UBAC2: variants seen among roughly 807,000 people sequenced by gnomAD.
UBAC2 encodes UBA domain containing 2, also known as ubiquitin-associated domain-containing protein 2.
Under a neutral mutation model 44.0 loss-of-function variants are expected in UBAC2, and 26 were observed. The observed-to-expected ratio is 0.59, with a 90% confidence interval of 0.43 to 0.82. The LOEUF is 0.82. Among genes scored for constraint, UBAC2 ranks in the 40% least tolerant of loss-of-function variants. The pLI, the probability that UBAC2 is intolerant of heterozygous loss-of-function variation, is 0.00. For synonymous variants in UBAC2, 155 were observed against 154.3 expected (o/e 1.00, Z -0.04); for missense variants, 329 against 419.4 (o/e 0.78, Z 1.88).
chr13:99,235,186 A>AT (rs1184714247), intron 1 of UBAC2, among the ~76,000 whole-genome samples: 7 of 152,182 alleles, frequency 4.6e-5, no homozygotes, highest in African/African-American at 1.7e-4. Flanking sequence ...GCCTCTTTTA[A>AT]TTTTTTAAAA....
chr13:99,208,311 A>G (rs903957846), intron 1 of UBAC2, among the ~76,000 whole-genome samples: 2 of 152,138 alleles, frequency 1.3e-5, no homozygotes, highest in Admixed American at 1.3e-4. Context: ...CTGTCTCTTT[A>G]AAATACACTC....
intron 4 of UBAC2, chr13:99,255,790 A>G: frequency 6.2e-7 from 1 of 1,612,914 alleles, no homozygotes; most frequent in Non-Finnish European, 8.5e-7. Context: ...ACAGCTATAG[A>G]AGACAAGGGC....
chr13:99,207,122 G>GT (rs927106717), intron 1 of UBAC2, among the ~76,000 whole-genome samples: 1 of 152,224 alleles, frequency 6.6e-6, no homozygotes, highest in African/African-American at 2.4e-5. Flanking sequence ...GGGTGCCTTA[G>GT]TGGCACCCCT....
In UBAC2 at chr13:99,234,171, CTTTTTTTTTTTTTT is replaced by C. The variant is rs773370310; in HGVS notation, c.32-4240_32-4227del. Among the ~76,000 whole-genome samples the C allele has an allele frequency of 4.4e-3, 273 of 61,730 alleles. 15 individuals are homozygous for C. Among genetic ancestry groups the C allele is most frequent in the Non-Finnish European group, 1.1e-3 (39 of 35,894 alleles). The allele number at this position is 61,730 out of a possible 152,430, so 40.5% of individuals were successfully genotyped here. On this transcript the variant is annotated intron_variant, in intron 1 of 8. Coordinates refer to ENST00000403766, the MANE Select transcript of UBAC2 (RefSeq NM_001144072.2). Reference sequence around the variant, plus strand: ...GGGCCGGACATTGTGCTAGCCGTTTCTTTTTTTTTTTTTTTTTTTTTTTTTTTTTGAGATGGAGT... The same window carrying C: ...GGGCCGGACATTGTGCTAGCCGTTTCTTTTTTTTTTTTTTTGAGATGGAGT...
intron 1 of UBAC2, among the ~76,000 whole-genome samples, chr13:99,203,221 A>G (rs2042827844): frequency 6.6e-6 from 1 of 151,966 alleles, no homozygotes; most frequent in African/African-American, 2.4e-5. Context: ...TTTTTAGTAG[A>G]GACGGGGTTT....
At chr13:99,346,457 G>A (rs1002538802) in intron 7 of UBAC2, among the ~76,000 whole-genome samples, 2 of 152,192 alleles carry the variant, frequency 1.3e-5, no homozygotes, top group Non-Finnish European at 1.5e-5. Flanking sequence ...CTATGTGGCC[G>A]CATCTCCTTT....
At chr13:99,296,478 C>G (rs1431214547) in intron 4 of UBAC2, among the ~76,000 whole-genome samples, 1 of 152,198 alleles carries the variant, frequency 6.6e-6, no homozygotes, top group Non-Finnish European at 1.5e-5. Context: ...AGGGAATGCA[C>G]TAAATTTTTA....
intron 1 of UBAC2, among the ~76,000 whole-genome samples, chr13:99,212,634 TC>T (rs2042947948): frequency 6.6e-6 from 1 of 152,246 alleles, no homozygotes; most frequent in South Asian, 2.1e-4. Context: ...TAACTCTGTT[TC>T]TAAGATTTAT....
Position 99,377,313 on chromosome 13 carries a change from C to CT in UBAC2, c.928-7914dup, listed in dbSNP as rs1391180737. 6 of 152,236 alleles carry CT rather than the reference C, an allele frequency of 3.9e-5. No individual in the cohort carries two copies. The East Asian group carries it at 1.2e-3, about 29-fold the overall frequency. 9.4% of individuals were successfully genotyped at this position (152,236 alleles called of 1,614,324 possible). ...TGCCAGTCCTTAGAGCAGAGGAGAC[C>CT]TGTAAACATTCATTCCTGTACTTTA... On this transcript the variant is annotated intron_variant, in intron 8 of 8. Coordinates refer to ENST00000403766, the MANE Select transcript of UBAC2 (RefSeq NM_001144072.2).
intron 7 of UBAC2, among the ~76,000 whole-genome samples, chr13:99,365,989 CTA>C (rs1250897160): frequency 2.0e-5 from 3 of 152,042 alleles, no homozygotes; most frequent in African/African-American, 7.2e-5. Context: ...CCTTCGAGGT[CTA>C]TTTATTTGGC....
intron 7 of UBAC2, among the ~76,000 whole-genome samples, chr13:99,348,368 G>A (rs1476608895): frequency 6.6e-6 from 1 of 152,222 alleles, no homozygotes; most frequent in Non-Finnish European, 1.5e-5. Context: ...AACAGTGGGT[G>A]TGGCCAGTTC....
intron 1 of UBAC2, among the ~76,000 whole-genome samples, chr13:99,203,317 T>C (rs2042829161): frequency 6.6e-6 from 1 of 152,166 alleles, no homozygotes; most frequent in East Asian, 1.9e-4. Context: ...ATTACAGGCG[T>C]GAGCCACTGC....
At chr13:99,222,799 A>G (rs2043065216) in intron 1 of UBAC2, among the ~76,000 whole-genome samples, 1 of 152,190 alleles carries the variant, frequency 6.6e-6, no homozygotes, top group Non-Finnish European at 1.5e-5. Flanking sequence ...CATAAAGTAT[A>G]TTGGTCTATT....
At chr13:99,367,161 A>G (rs190761022) in intron 7 of UBAC2, among the ~76,000 whole-genome samples, 2 of 152,288 alleles carry the variant, frequency 1.3e-5, no homozygotes, top group East Asian at 3.9e-4. Flanking sequence ...CCGTGGAGCC[A>G]CCCTCAGAAA....
chr13:99,211,483 A>G (rs1402992727), intron 1 of UBAC2, among the ~76,000 whole-genome samples: 2 of 152,348 alleles, frequency 1.3e-5, no homozygotes, highest in Non-Finnish European at 2.9e-5. Flanking sequence ...TTTTCAATCA[A>G]CGACTAATAA....
At chr13:99,213,780 A>C (rs2042960937) in intron 1 of UBAC2, among the ~76,000 whole-genome samples, 2 of 152,226 alleles carry the variant, frequency 1.3e-5, no homozygotes, top group South Asian at 4.1e-4. Flanking sequence ...TTAAAGAAAT[A>C]ATCATAAATG....
intron 4 of UBAC2, among the ~76,000 whole-genome samples, chr13:99,252,402 G>T (rs1222538896): frequency 1.3e-5 from 2 of 152,204 alleles, no homozygotes; most frequent in African/African-American, 4.8e-5. Context: ...CTTGATTACA[G>T]TGTAGCCCCA....
intron 6 of UBAC2, among the ~76,000 whole-genome samples, chr13:99,337,335 T>A (rs1446077434): frequency 1.3e-5 from 2 of 152,174 alleles, no homozygotes; most frequent in Non-Finnish European, 2.9e-5. Flanking sequence ...AAAATATCCC[T>A]TATTATCTTT....
At chr13:99,333,101 G>GA (rs1380675510) in intron 6 of UBAC2, among the ~76,000 whole-genome samples, 1 of 151,986 alleles carries the variant, frequency 6.6e-6, no homozygotes, top group Non-Finnish European at 1.5e-5. Flanking sequence ...GTCTCTGGGG[G>GA]GGGAAGAAAG....
Sources: gnomAD v4.1 joint callset for allele counts (sites outside exome capture counted in the v4.1 genomes callset) on GRCh38, gnomAD v4.1.1 for gene constraint, MANE v1.5 for transcripts, NCBI Gene and HGNC (gene_info 2026-07-23, HGNC 2026-07-21) for gene names.